The following SNTA1 variants were observed in gnomAD, a reference collection of about 807,000 sequenced individuals.
The protein encoded by SNTA1 is alpha-1-syntrophin.
SNTA1 carries 31 observed loss-of-function variants against 47.1 expected under a neutral mutation model. The observed-to-expected ratio is 0.66, with a 90% CI of 0.49 to 0.89. The LOEUF is 0.89. SNTA1 is among the 40% of genes least tolerant of loss of function. The pLI is 0.00. For synonymous variants in SNTA1, 300 were observed against 313.6 expected, an observed-to-expected ratio of 0.96 and a Z score of 0.46; for missense variants, 575 against 693.0, an observed-to-expected ratio of 0.83 and a Z score of 1.91.
In SNTA1 at chr20:33,426,597, C is replaced by T. The variant is rs529511525; in HGVS notation, c.497-8674G>A. Among the ~76,000 whole-genome samples, 32 of 150,234 alleles carry T rather than the reference C, an allele frequency of 2.1e-4. No individual in the cohort carries two copies. The Admixed American group carries it at 2.1e-3, about 10-fold the overall frequency. ...GCCAACATGATGAAACCTCGTCTCT[C>T]CTAAAAATACAAAAATTAGTCAGGC... On this transcript the variant is annotated intron_variant, in intron 2 of 7. Transcript: ENST00000217381.
chr20:33,443,231 C>T, intron 1 of SNTA1, 80 bp downstream of exon 1: 1 of 1,184,794 alleles, frequency 8.4e-7, no homozygotes, highest in South Asian at 1.5e-5. Context: ...AGCTCCATGT[C>T]CTGGGCGCGC....
At chr20:33,426,406 G>A (rs901544015) in intron 2 of SNTA1, among the ~76,000 whole-genome samples, 5 of 145,982 alleles carry the variant, frequency 3.4e-5, no homozygotes, top group African/African-American at 1.3e-4. Context: ...AGCCAGGATC[G>A]CCCCACTGCA....
At chr20:33,410,409 C>T in intron 5 of SNTA1, 78 bp from the exon 6 acceptor site, 1 of 927,918 alleles carries the variant, frequency 1.1e-6, no homozygotes, top group Non-Finnish European at 1.7e-6. Flanking sequence ...GGCCAGTGAC[C>T]TGGGAAGAAA....
chr20:33,417,583 A>G (rs868419814), intron 3 of SNTA1, 136 bp downstream of exon 3: 3 of 694,022 alleles, frequency 4.3e-6, no homozygotes, highest in Non-Finnish European at 5.2e-6. Flanking sequence ...GCTTCCAGTC[A>G]ATCTATTTTT....
intron 2 of SNTA1, among the ~76,000 whole-genome samples, chr20:33,422,417 C>T (rs530393995): frequency 4.1e-5 from 6 of 147,242 alleles, no homozygotes; most frequent in East Asian, 2.0e-4. Context: ...CCAGCCTGGG[C>T]GACAGAGCAA....
At chr20:33,412,209 A>G (rs1372280238) in intron 5 of SNTA1, 87 bp downstream of exon 5, 11 of 1,435,008 alleles carry the variant, frequency 7.7e-6, no homozygotes, top group Non-Finnish European at 9.5e-6. Context: ...GAGGGTGGAC[A>G]GGGCTGGAGT....
intron 2 of SNTA1, among the ~76,000 whole-genome samples, chr20:33,434,113 T>C (rs1186088448): frequency 1.3e-5 from 2 of 152,106 alleles, no homozygotes; most frequent in East Asian, 3.9e-4. Context: ...TGGGGAAATG[T>C]TGAACAATGT....
At chr20:33,434,753 G>C (rs1301422859) in intron 2 of SNTA1, among the ~76,000 whole-genome samples, 3 of 151,052 alleles carry the variant, frequency 2.0e-5, no homozygotes, top group Non-Finnish European at 2.9e-5. Flanking sequence ...GCCCAAGCTG[G>C]TCTCGAACTC....
intron 5 of SNTA1, among the ~76,000 whole-genome samples, chr20:33,410,597 C>T (rs1394973609): frequency 1.3e-5 from 2 of 152,126 alleles, no homozygotes; most frequent in East Asian, 3.9e-4. Flanking sequence ...CTTCCCTCTG[C>T]CTATACATGC....
At chr20:33,425,093 G>A (rs900567729) in intron 2 of SNTA1, among the ~76,000 whole-genome samples, 1 of 151,456 alleles carries the variant, frequency 6.6e-6, no homozygotes, top group Non-Finnish European at 1.5e-5. Context: ...TCCACCCTAG[G>A]TGACAGAGCG....
intron 2 of SNTA1, among the ~76,000 whole-genome samples, chr20:33,435,922 C>G (rs1202720172): frequency 1.3e-5 from 2 of 152,000 alleles, no homozygotes; most frequent in Admixed American, 1.3e-4. Context: ...GGGCCGGGCG[C>G]GGTGGCTCAC....
rs1990177681 is a variant in SNTA1, at chr20:33,426,628, G to T, written c.497-8705C>A. On this transcript the variant is annotated intron_variant, in intron 2 of 7. Transcript: ENST00000217381. ...AATACAAAAATTAGTCAGGCATGGT[G>T]GCAGACACCTGTAATCCCAACTACT... 2.0e-5 allele frequency among the ~76,000 whole-genome samples: 3 copies of T among 150,946 alleles called. No individual in the cohort carries two copies. The Admixed American group carries it at 2.0e-4, about 10-fold the overall frequency.
At chr20:33,438,691 G>A in intron 2 of SNTA1, 150 bp downstream of exon 2, 1 of 758,142 alleles carries the variant, frequency 1.3e-6, no homozygotes, top group East Asian at 2.5e-5. Flanking sequence ...ACTGTCTTCA[G>A]GCAGGTCCCC....
intron 6 of SNTA1, 96 bp downstream of exon 6, chr20:33,410,039 A>G (rs956366190): frequency 4.5e-5 from 59 of 1,301,702 alleles, no homozygotes; most frequent in Admixed American, 2.1e-4. Context: ...CCCATTTTCT[A>G]TCCCCTCCTG....
At chr20:33,423,440 G>C (rs898191842) in intron 2 of SNTA1, among the ~76,000 whole-genome samples, 1 of 152,204 alleles carries the variant, frequency 6.6e-6, no homozygotes, top group Admixed American at 6.5e-5. Flanking sequence ...CAGCATTCTC[G>C]AGACTCCAAA....
intron 2 of SNTA1, among the ~76,000 whole-genome samples, chr20:33,435,272 G>A (rs1306926715): frequency 1.3e-5 from 2 of 150,976 alleles, no homozygotes; most frequent in South Asian, 2.1e-4. Context: ...GATTACAGGC[G>A]TGAGTCACAG....
intron 2 of SNTA1, among the ~76,000 whole-genome samples, chr20:33,423,344 T>C (rs574915846): frequency 1.3e-5 from 2 of 152,204 alleles, no homozygotes; most frequent in Admixed American, 1.3e-4. Context: ...CCTCTCTGAT[T>C]TCTGCCTGAG....
intron 3 of SNTA1, among the ~76,000 whole-genome samples, chr20:33,416,281 C>G (rs1989872734): frequency 6.6e-6 from 1 of 152,182 alleles, no homozygotes; most frequent in South Asian, 2.1e-4. Context: ...GGCATTGAAC[C>G]TAGGCTGTCA....
chr20:33,410,152 A>G lies in SNTA1; in HGVS notation c.1220T>C (p.Val407Ala). ...CAGCACACCTGTAGACACCTCCTGCACACCCTCGGCGGCCCGGTGACAGCC... is the reference window on the plus strand; with the variant it reads ...CAGCACACCTGTAGACACCTCCTGCGCACCCTCGGCGGCCCGGTGACAGCC... Reference protein sequence around the residue: ...VDGCHRAAEGVQEVSTACTWN... With the variant: ...VDGCHRAAEGAQEVSTACTWN... Residue 407 changes from valine (V) to alanine (A), a missense_variant, in exon 6 of 8, where the codon GTG (valine) becomes GCG (alanine). By Grantham distance (64) the Val-to-Ala change is moderately conservative. Transcript: ENST00000217381. The G allele has an allele frequency of 6.2e-7, 1 of 1,614,210 alleles. No homozygotes were observed. Among genetic ancestry groups the G allele is most frequent in the East Asian group, 2.2e-5 (1 of 44,872 alleles).
Sources: allele counts gnomAD v4.1 joint callset (sites outside exome capture counted in the v4.1 genomes callset), GRCh38; gene constraint gnomAD v4.1.1; transcripts MANE v1.5; gene names NCBI Gene and HGNC (gene_info 2026-07-23, HGNC 2026-07-21).